Variants in GRIN2D observed in about 807,000 individuals in gnomAD.
GRIN2D encodes the protein glutamate receptor ionotropic, NMDA 2D.
A neutral mutation model predicts 103.2 loss-of-function variants in GRIN2D; 37 were observed. The observed-to-expected ratio is 0.36, with a 90% CI of 0.28 to 0.47. The LOEUF is 0.47. Among genes scored for constraint, GRIN2D ranks in the 20% least tolerant of loss-of-function variants. The pLI is 1.00. For missense variants in GRIN2D, 1,557 were observed against 1,910.6 expected (o/e 0.81, Z 3.45); for synonymous variants, 845 against 885.6 (o/e 0.95, Z 0.81).
intron 11 of GRIN2D, among the ~76,000 whole-genome samples, chr19:48,440,225 T>A (rs55881741): frequency 0.015 from 2,213 of 150,544 alleles, 27 homozygotes; most frequent in Middle Eastern, 0.031. Flanking sequence ...AAAAAAAAAA[T>A]AAATAAATAA....
intron 11 of GRIN2D, among the ~76,000 whole-genome samples, chr19:48,432,025 G>T (rs190663247): frequency 0.022 from 2,800 of 124,630 alleles, 81 homozygotes; most frequent in African/African-American, 0.079. Context: ...CCATTCTCCT[G>T]CCTCAGCCTA....
Position 48,398,409 on chromosome 19 carries a change from G to C in GRIN2D, c.17G>C (p.Gly6Ala). The stretch of plus-strand genomic sequence containing the variant: ...CCGCAGGCGATGCGCGGCGCCGGTG[G>C]CCCCCGCGGCCCTCGGGGCCCCGCT... MRGAG[G>A]PRGPRGPAKM... Residue 6 changes from glycine (G) to alanine (A), a missense_variant, in exon 3 of 14, where the codon GGC becomes GCC. This residue lies in a region of GRIN2D where 490 missense variants were observed against 601.1 expected (regional missense o/e 0.82). Transcript: ENST00000263269. 8.9e-7 allele frequency: 1 copy of C among 1,118,230 alleles called. No homozygotes were observed. Among genetic ancestry groups the C allele is most frequent in the Non-Finnish European group, 1.1e-6 (1 of 916,192 alleles). 69.3% of individuals were successfully genotyped at this position (1,118,230 alleles called of 1,614,324 possible). A position where few individuals can be genotyped will look rare whatever the true frequency, so the allele number is the denominator to read the frequency against.
intron 3 of GRIN2D, among the ~76,000 whole-genome samples, chr19:48,401,834 C>T (rs1360753417): frequency 1.3e-5 from 2 of 152,232 alleles, no homozygotes; most frequent in African/African-American, 4.8e-5. Context: ...GGCGCAGTGG[C>T]TCATGCCTGG....
At chr19:48,436,725 A>G (rs1427452137) in intron 11 of GRIN2D, among the ~76,000 whole-genome samples, 1 of 152,228 alleles carries the variant, frequency 6.6e-6, no homozygotes, top group Non-Finnish European at 1.5e-5. Context: ...TCAAGGTGAG[A>G]GAGTGAGTCA....
At chr19:48,431,038 C>G (rs1250413422) in intron 11 of GRIN2D, among the ~76,000 whole-genome samples, 1 of 152,090 alleles carries the variant, frequency 6.6e-6, no homozygotes, top group African/African-American at 2.4e-5. Context: ...AGCTTGGTCT[C>G]AAATTCCTGG....
chr19:48,437,336 T>C (rs1437362500), intron 11 of GRIN2D, among the ~76,000 whole-genome samples: 2 of 152,016 alleles, frequency 1.3e-5, no homozygotes, highest in African/African-American at 4.8e-5. Flanking sequence ...CCCAAGCTGG[T>C]CTCGAACTCC....
At chr19:48,399,889 C>G (rs147898123) in intron 3 of GRIN2D, among the ~76,000 whole-genome samples, 1 of 150,018 alleles carries the variant, frequency 6.7e-6, no homozygotes, top group Admixed American at 6.6e-5. Context: ...GGGGGCGGGG[C>G]CAGCGAGGGG....
chr19:48,401,265 GA>G (rs375552992), intron 3 of GRIN2D, among the ~76,000 whole-genome samples: 3,304 of 150,392 alleles, frequency 0.022, 126 homozygotes, highest in African/African-American at 0.076. Context: ...GAGGGGGGGG[GA>G]AAAAAAGAGA....
At chr19:48,424,513 A>G (rs796571521) in intron 11 of GRIN2D, among the ~76,000 whole-genome samples, 4 of 143,428 alleles carry the variant, frequency 2.8e-5, no homozygotes, top group South Asian at 2.3e-4. Flanking sequence ...CTCGTGATCC[A>G]CCCGCCTCAG....
At position 48,394,096 on chromosome 19, in the gene GRIN2D, G is replaced by A. The variant is rs570776217; in HGVS notation, c.-306+228G>A. Among the ~76,000 whole-genome samples, 13 of 152,140 alleles carry A rather than the reference G, an allele frequency of 8.5e-5. No homozygotes were observed. The highest frequency in any genetic ancestry group is 3.1e-4 in the African/African-American group (13 of 41,510). ...CTGCCTGCGTCCGGCCAGGCGTCTG[G>A]GCGTCCCCGGCTGCCTGTGTCCTCC... On this transcript the variant is annotated intron_variant, in intron 1 of 13. Coordinates refer to ENST00000263269, the MANE Select transcript of GRIN2D (RefSeq NM_000836.4). The surrounding 1 kb of genome is among the most constrained non-coding windows in gnomAD (Gnocchi z 5.1).
Position 48,443,464 on chromosome 19 carries a change from T to C in GRIN2D, c.3538T>C (p.Cys1180Arg). 7.2e-7 allele frequency: 1 copy of C among 1,383,986 alleles called. No individual in the cohort carries two copies. The highest frequency in any genetic ancestry group is 9.3e-7 in the Non-Finnish European group (1 of 1,071,960). 85.7% of individuals were successfully genotyped at this position (1,383,986 alleles called of 1,614,324 possible). Residue 1180 changes from cysteine (C) to arginine (R), a missense_variant, in exon 14 of 14, where the codon TGT (cysteine) becomes CGT (arginine). By Grantham distance (180) the Cys-to-Arg change is radical. Coordinates refer to ENST00000263269, the MANE Select transcript of GRIN2D (RefSeq NM_000836.4). This position sits in a 1 kb window ranked among gnomAD's most constrained non-coding sequence, Gnocchi z 8.9. The stretch of plus-strand genomic sequence containing the variant: ...GCGCAGCGGTCCGGCCGCCTGGCAC[T>C]GTCGGCACTGCGCCAGCCTGGAGCT... ...PPRSGPAAWH[C>R]RHCASLELLP... is the part of the protein sequence containing the mutation.
chr19:48,435,305 T>TG (rs1971215935), intron 11 of GRIN2D, among the ~76,000 whole-genome samples: 1 of 149,724 alleles, frequency 6.7e-6, no homozygotes, highest in Non-Finnish European at 1.5e-5. Flanking sequence ...TGTTTTTTTT[T>TG]TTTTTTTTTT....
chr19:48,402,274 G>A (rs941574134), intron 3 of GRIN2D, among the ~76,000 whole-genome samples: 1 of 152,170 alleles, frequency 6.6e-6, no homozygotes, highest in African/African-American at 2.4e-5. Flanking sequence ...GACAACTGGA[G>A]CTATCTTTGA....
rs774134463 is a variant in GRIN2D at position 48,421,803 on chromosome 19, C to G, written c.2110C>G (p.Gln704Glu). 6.2e-7 allele frequency: 1 copy of G among 1,613,950 alleles called. No individual in the cohort carries two copies. Among genetic ancestry groups the G allele is most frequent in the South Asian group, 1.1e-5 (1 of 91,074 alleles). The change falls in exon 11 of 14, where the codon CAG (glutamine) becomes GAG (glutamate). Residue 704 changes from glutamine to glutamate, a missense_variant. This residue lies in a region of GRIN2D where 138 missense variants were observed against 270.2 expected (regional missense o/e 0.51). Coordinates refer to ENST00000263269, the MANE Select transcript of GRIN2D (RefSeq NM_000836.4). The surrounding 1 kb of genome is among the most constrained non-coding windows in gnomAD (Gnocchi z 4.8). ...GCCCCAGTTCCAGAGGCCCCAGGAG[C>G]AGTACCCGCCCCTGAAGTTTGGGAC... ...SDRKFQRPQEQYPPLKFGTVP... is the reference protein window; with the variant it reads ...SDRKFQRPQEEYPPLKFGTVP...
chr19:48,394,583 G>A lies in GRIN2D; in HGVS notation c.-305-75G>A, dbSNP rs527550808. On this transcript the variant is annotated intron_variant, in intron 1 of 13. Coordinates refer to ENST00000263269, the MANE Select transcript of GRIN2D (RefSeq NM_000836.4). The surrounding 1 kb of genome is among the most constrained non-coding windows in gnomAD (Gnocchi z 5.1). ...AGGGGGGCACCCCGGGTGGGCGGAGGGGGGATCCCCACGGGGTCGGGGCGG... is the reference window on the plus strand; with the variant it reads ...AGGGGGGCACCCCGGGTGGGCGGAGAGGGGATCCCCACGGGGTCGGGGCGG... Among the ~76,000 whole-genome samples the A allele has an allele frequency of 9.2e-5, 14 of 151,760 alleles. No individual in the cohort carries two copies. The East Asian group carries it at 2.7e-3, about 30-fold the overall frequency.
chr19:48,419,479 A>G, intron 9 of GRIN2D, 106 bp from the exon 10 acceptor site: 1 of 1,376,142 alleles, frequency 7.3e-7, no homozygotes. Context: ...GGGAGGTGCC[A>G]GATGCCTTGA....
In GRIN2D at chr19:48,442,778, C is replaced by T. The variant is rs1167787806; in HGVS notation, c.2852C>T (p.Pro951Leu). 8.4e-5 allele frequency: 90 copies of T among 1,068,026 alleles called. No homozygotes were observed. Among genetic ancestry groups the T allele is most frequent in the Non-Finnish European group, 1.0e-4 (89 of 884,954 alleles). The allele number at this position is 1,068,026 out of a possible 1,614,324, so 66.2% of individuals were successfully genotyped here. ...TGGCGCCGGACCAAGGGCGCGGGGCCGCCGGGGGGCGCGGGCCTGGCCGAC... is the reference window on the plus strand; with the variant it reads ...TGGCGCCGGACCAAGGGCGCGGGGCTGCCGGGGGGCGCGGGCCTGGCCGAC... Reference protein sequence around the residue: ...DRWRRTKGAGPPGGAGLADGF... With the variant: ...DRWRRTKGAGLPGGAGLADGF... Residue 951 changes from proline (P) to leucine (L), a missense_variant, in exon 14 of 14, where the codon CCG (proline) becomes CTG (leucine). Physicochemically the swap from Pro to Leu is moderately conservative, Grantham distance 98. Around this residue, in one of 7 missense-constraint regions of GRIN2D, gnomAD observed 632 missense variants for 572.8 expected, o/e 1.10. Coordinates refer to ENST00000263269, the MANE Select transcript of GRIN2D (RefSeq NM_000836.4). This position sits in a 1 kb window ranked among gnomAD's most constrained non-coding sequence, Gnocchi z 7.2.
At chr19:48,422,085 T>A in intron 11 of GRIN2D, 140 bp downstream of exon 11, 1 of 739,736 alleles carries the variant, frequency 1.4e-6, no homozygotes, top group Non-Finnish European at 2.2e-6. Context: ...CGGAGGTCAC[T>A]GAGGGTGGAA....
chr19:48,420,140 C>A (rs993203366), intron 10 of GRIN2D, among the ~76,000 whole-genome samples: 15 of 152,178 alleles, frequency 9.9e-5, no homozygotes, highest in African/African-American at 3.6e-4. Context: ...ATTTTTGAAA[C>A]TTCTAAGGCT....
Sources: gnomAD v4.1 joint callset for allele counts (sites outside exome capture counted in the v4.1 genomes callset) on GRCh38, gnomAD v4.1.1 for gene constraint, gnomAD v4.1.1 regional missense constraint, Gnocchi (gnomAD v3.1) non-coding constraint, MANE v1.5 for transcripts, NCBI Gene and HGNC (gene_info 2026-07-23, HGNC 2026-07-21) for gene names.